The following PCDH9 variants were observed in gnomAD, a reference collection of about 807,000 sequenced individuals.
PCDH9 encodes protocadherin 9.
Under a neutral mutation model 70.6 loss-of-function variants are expected in PCDH9, and 24 were observed. That is an observed-to-expected ratio of 0.34 (90% CI 0.25 to 0.48). The LOEUF is 0.48. Ranked by LOEUF, PCDH9 falls within the 20% of genes least tolerant of loss-of-function variation. The probability of loss-of-function intolerance (pLI) is 0.99; values close to 1 mark genes in which losing one functional copy is unlikely to be tolerated. For synonymous variants in PCDH9, 562 were observed against 558.5 expected (o/e 1.01, Z -0.09); for missense variants, 1,281 against 1,503.6 (o/e 0.85, Z 2.45).
chr13:66,983,809 G>GTT (rs143391171), intron 2 of PCDH9, among the ~76,000 whole-genome samples: 3 of 150,808 alleles, frequency 2.0e-5, no homozygotes, highest in Admixed American at 6.6e-5. Context: ...GTACCCAATC[G>GTT]TTTTTTTTGT....
At chr13:67,104,231 A>G (rs2138248287) in intron 2 of PCDH9, among the ~76,000 whole-genome samples, 1 of 152,302 alleles carries the variant, frequency 6.6e-6, no homozygotes, top group Non-Finnish European at 1.5e-5. Flanking sequence ...AAACATGGGT[A>G]TCTCTGTTAC....
intron 2 of PCDH9, among the ~76,000 whole-genome samples, chr13:67,108,463 A>C (rs781389089): frequency 3.9e-5 from 6 of 152,258 alleles, no homozygotes; most frequent in Non-Finnish European, 8.8e-5. Flanking sequence ...GATACATTAA[A>C]AAACTCATGA....
At chr13:66,315,234 C>A (rs748128549) in intron 4 of PCDH9, among the ~76,000 whole-genome samples, 24 of 152,138 alleles carry the variant, frequency 1.6e-4, no homozygotes, top group Admixed American at 3.9e-4. Context: ...TTCAGAGCCT[C>A]CAGATAACAG....
chr13:66,654,591 G>A (rs1237362929), intron 3 of PCDH9, among the ~76,000 whole-genome samples: 1 of 152,074 alleles, frequency 6.6e-6, no homozygotes, highest in Non-Finnish European at 1.5e-5. Context: ...CTATAAATAT[G>A]TGCACCTACT....
At chr13:66,533,933 A>G (rs1295000562) in intron 4 of PCDH9, among the ~76,000 whole-genome samples, 1 of 152,086 alleles carries the variant, frequency 6.6e-6, no homozygotes, top group Non-Finnish European at 1.5e-5. Context: ...TGTTCTTTCT[A>G]TGTCTTTAGA....
At chr13:67,133,840 T>C (rs1594557458) in intron 2 of PCDH9, among the ~76,000 whole-genome samples, 1 of 152,086 alleles carries the variant, frequency 6.6e-6, no homozygotes, top group African/African-American at 2.4e-5. Flanking sequence ...TGAGCGGCTG[T>C]TTCATGCACT....
At chr13:66,915,198 T>G (rs2082537816) in intron 2 of PCDH9, among the ~76,000 whole-genome samples, 1 of 151,542 alleles carries the variant, frequency 6.6e-6, no homozygotes. Flanking sequence ...AATAAATAAT[T>G]CAGGAAAATA....
At chr13:66,468,798 GTATAT>G (rs1193098335) in intron 4 of PCDH9, among the ~76,000 whole-genome samples, 5 of 152,040 alleles carry the variant, frequency 3.3e-5, no homozygotes, top group African/African-American at 1.2e-4. Context: ...AAAGCTGTGA[GTATAT>G]CTTTTTTATA....
At chr13:67,060,061 C>T (rs912140170) in intron 2 of PCDH9, among the ~76,000 whole-genome samples, 1 of 151,856 alleles carries the variant, frequency 6.6e-6, no homozygotes, top group Non-Finnish European at 1.5e-5. Context: ...GTTGTGCTAT[C>T]GCTGTCTGTG....
chr13:67,205,518 C>T (rs2089317659), intron 2 of PCDH9: 1 of 152,168 alleles, frequency 6.6e-6, no homozygotes, highest in Non-Finnish European at 1.5e-5. Flanking sequence ...AATTGAAAGT[C>T]AGTCTGCTTG....
chr13:66,664,114 T>C (rs570151914), intron 3 of PCDH9, among the ~76,000 whole-genome samples: 1 of 152,324 alleles, frequency 6.6e-6, no homozygotes, highest in East Asian at 1.9e-4. Flanking sequence ...ATATACTAAT[T>C]GGCCTACAGT....
chr13:66,803,514 C>T (rs972586015), intron 3 of PCDH9, among the ~76,000 whole-genome samples: 15 of 152,122 alleles, frequency 9.9e-5, no homozygotes, highest in Non-Finnish European at 1.9e-4. Context: ...CTCCACCAAT[C>T]GCCCCAGCAG....
At chr13:67,112,446 T>C (rs2086675588) in intron 2 of PCDH9, among the ~76,000 whole-genome samples, 1 of 152,162 alleles carries the variant, frequency 6.6e-6, no homozygotes, top group African/African-American at 2.4e-5. Context: ...TCCATGTACA[T>C]TGTTTTATTT....
chr13:66,786,149 T>C (rs376949024), intron 3 of PCDH9, among the ~76,000 whole-genome samples: 3 of 152,190 alleles, frequency 2.0e-5, no homozygotes, highest in Admixed American at 2.0e-4. Flanking sequence ...GCAAATTGGT[T>C]GAATGGGCAA....
chr13:66,450,049 T>C (rs1958173671), intron 4 of PCDH9, among the ~76,000 whole-genome samples: 1 of 152,168 alleles, frequency 6.6e-6, no homozygotes, highest in East Asian at 1.9e-4. Flanking sequence ...AATACTTCCA[T>C]TCATTCATTT....
chr13:66,428,725 G>A (rs1957716421), intron 4 of PCDH9, among the ~76,000 whole-genome samples: 1 of 151,464 alleles, frequency 6.6e-6, no homozygotes, highest in Admixed American at 6.6e-5. Flanking sequence ...AATGGATTTG[G>A]ATCATTTGCA....
intron 2 of PCDH9, among the ~76,000 whole-genome samples, chr13:66,981,228 G>A (rs1471057193): frequency 3.3e-5 from 5 of 151,960 alleles, no homozygotes; most frequent in African/African-American, 9.7e-5. Context: ...CACGAGGTGC[G>A]GAGATCAAGA....
chr13:66,786,461 T>G (rs1316254059), intron 3 of PCDH9, among the ~76,000 whole-genome samples: 1 of 152,206 alleles, frequency 6.6e-6, no homozygotes, highest in East Asian at 1.9e-4. Context: ...TGCATTCATC[T>G]TGAATGAAAC....
intron 4 of PCDH9, among the ~76,000 whole-genome samples, chr13:66,309,121 A>G (rs2138059578): frequency 6.6e-6 from 1 of 152,146 alleles, no homozygotes; most frequent in African/African-American, 2.4e-5. Flanking sequence ...ACATGACATT[A>G]AATAGGGAAA....
Sources: gnomAD v4.1 joint callset for allele counts (sites outside exome capture counted in the v4.1 genomes callset) on GRCh38, gnomAD v4.1.1 for gene constraint, MANE v1.5 for transcripts, NCBI Gene and HGNC (gene_info 2026-07-23, HGNC 2026-07-21) for gene names.